SPOCK2: variants seen among roughly 807,000 people sequenced by gnomAD.
The protein encoded by SPOCK2 is testican-2.
A neutral mutation model predicts 60.1 loss-of-function variants in SPOCK2; 39 were observed. The observed-to-expected ratio is 0.65, with a 90% CI of 0.50 to 0.85. SPOCK2 has a LOEUF of 0.85. Among genes scored for constraint, SPOCK2 ranks in the 40% least tolerant of loss-of-function variants. The pLI, the probability that SPOCK2 is intolerant of heterozygous loss-of-function variation, is 0.00. For synonymous variants in SPOCK2, 217 were observed against 231.5 expected (o/e 0.94, Z 0.57); for missense variants, 523 against 567.4 (o/e 0.92, Z 0.80).
chr10:72,086,803 C>G, intron 1 of SPOCK2: 2 of 1,518,502 alleles, frequency 1.3e-6, no homozygotes, highest in Non-Finnish European at 1.8e-6. Flanking sequence ...TGGGGAGAAA[C>G]AGTCACTTGT....
chr10:72,072,205 C>T lies in SPOCK2; in HGVS notation c.298G>A (p.Val100Met). The T allele has an allele frequency of 1.3e-6, 2 of 1,561,922 alleles. No homozygotes were observed. The highest frequency in any genetic ancestry group is 8.7e-7 in the Non-Finnish European group (1 of 1,153,224). The change falls in exon 4 of 11, where the codon GTG (valine) becomes ATG (methionine). Residue 100 changes from valine (V) to methionine (M), a missense_variant. Val to Met is a conservative substitution (Grantham distance 21). Coordinates refer to ENST00000373109, the MANE Select transcript of SPOCK2 (RefSeq NM_001244950.2). ...CGCTGGTAGCCCTGGGCAATGCACA[C>T]CTTGTGGCGGCTGCACTTCACCTTC... ...CQKVKCSRHK[V>M]CIAQGYQRAM... is the part of the protein sequence containing the mutation.
At chr10:72,082,884 G>A (rs1371307463) in intron 1 of SPOCK2, among the ~76,000 whole-genome samples, 2 of 150,384 alleles carry the variant, frequency 1.3e-5, no homozygotes, top group Non-Finnish European at 1.5e-5. Context: ...AAAAGAAGAG[G>A]CTACATAGAG....
intron 1 of SPOCK2, chr10:72,086,369 G>A (rs1014814213): frequency 3.0e-6 from 3 of 1,000,438 alleles, no homozygotes; most frequent in Non-Finnish European, 3.6e-6. Flanking sequence ...GCTATTGGAA[G>A]CAGGTGGAAG....
At chr10:72,073,951 T>A (rs982873933) in intron 1 of SPOCK2, among the ~76,000 whole-genome samples, 1 of 152,212 alleles carries the variant, frequency 6.6e-6, no homozygotes, top group Non-Finnish European at 1.5e-5. Context: ...GCCTGCAGGC[T>A]GGCAGTGACA....
chr10:72,083,372 C>T (rs1176473214), intron 1 of SPOCK2, among the ~76,000 whole-genome samples: 2 of 152,230 alleles, frequency 1.3e-5, no homozygotes, highest in Non-Finnish European at 2.9e-5. Flanking sequence ...CACCTCCCCA[C>T]TAAACCACCA....
intron 1 of SPOCK2, among the ~76,000 whole-genome samples, chr10:72,081,142 G>A (rs1430538910): frequency 6.6e-6 from 1 of 152,242 alleles, no homozygotes; most frequent in Non-Finnish European, 1.5e-5. Flanking sequence ...CAGGCCACAA[G>A]AGGAGTGGGG....
At chr10:72,074,539 AAACAAGGACACT>A (rs1840690325) in intron 1 of SPOCK2, among the ~76,000 whole-genome samples, 1 of 152,240 alleles carries the variant, frequency 6.6e-6, no homozygotes, top group Admixed American at 6.5e-5. Context: ...GACAGAAGGA[AAACAAGGACACT>A]AACAAGGACA....
rs565813595 is a variant in SPOCK2 at position 72,087,996 on chromosome 10, A to C, written c.189+144T>G. The C allele has an allele frequency of 2.3e-5, 24 of 1,052,260 alleles. No homozygotes were observed. In the East Asian group the frequency reaches 5.6e-4, roughly 25 times the overall value. The allele number at this position is 1,052,260 out of a possible 1,614,324, so 65.2% of individuals were successfully genotyped here. A position where few individuals can be genotyped will look rare whatever the true frequency, so the allele number is the denominator to read the frequency against. ...GGAGGGGCGCTGGGCTGTGACCCCCAGTACTGTTTACTTTCCGTGTAATTA... is the reference window on the plus strand; with the variant it reads ...GGAGGGGCGCTGGGCTGTGACCCCCCGTACTGTTTACTTTCCGTGTAATTA... On this transcript the variant is annotated intron_variant, in intron 1 of 10. Transcript: ENST00000373109. This position sits in a 1 kb window ranked among gnomAD's most constrained non-coding sequence, Gnocchi z 4.7.
chr10:72,072,620 C>T (rs1047244835), intron 2 of SPOCK2, 72 bp from the exon 3 acceptor site: 41 of 1,601,418 alleles, frequency 2.6e-5, no homozygotes, highest in East Asian at 6.7e-5. Flanking sequence ...ACTGCGGGGT[C>T]GAGGAGAGGC....
chr10:72,083,925 C>G lies in SPOCK2; in HGVS notation c.189+4215G>C, dbSNP rs77657150. ...CCACAGACGTCGGCGCAGCGCATCC[C>G]CACACTCGCAGTGGTTTAGGTGTGT... On this transcript the variant is annotated intron_variant, in intron 1 of 10. Transcript: ENST00000373109. 2.3e-4 allele frequency among the ~76,000 whole-genome samples: 35 copies of G among 152,314 alleles called. No individual in the cohort carries two copies. The East Asian group carries it at 6.8e-3, about 29-fold the overall frequency.
Position 72,074,021 on chromosome 10 carries a change from G to A in SPOCK2, c.190-1111C>T, listed in dbSNP as rs1443814166. Among the ~76,000 whole-genome samples, 7 of 152,304 alleles carry A rather than the reference G, an allele frequency of 4.6e-5. No homozygotes were observed. The South Asian group carries it at 1.2e-3, about 27-fold the overall frequency. The stretch of plus-strand genomic sequence containing the variant: ...CAGGAGGGGCTCTGGGAGCTGGGGG[G>A]AGAGGGGCATGAGAAGCTACGCGCA... On this transcript the variant is annotated intron_variant, in intron 1 of 10. Transcript: ENST00000373109.
chr10:72,062,929 G>A lies in SPOCK2; in HGVS notation c.1130-24C>T, dbSNP rs753406492. On this transcript the variant is annotated intron_variant, in intron 10 of 10. Transcript: ENST00000373109. This position sits in a 1 kb window ranked among gnomAD's most constrained non-coding sequence, Gnocchi z 4.3. Reference sequence around the variant, plus strand: ...ATCTGTGAGGGGATCAAGCCAACAGGGGGTGAGGGAGCTTCTGGCACGCAC... The same window carrying A: ...ATCTGTGAGGGGATCAAGCCAACAGAGGGTGAGGGAGCTTCTGGCACGCAC... 1.9e-6 allele frequency: 3 copies of A among 1,595,286 alleles called. No individual in the cohort carries two copies. The highest frequency in any genetic ancestry group is 1.7e-4 in the Middle Eastern group (1 of 6,050).
chr10:72,067,843 G>A (rs975584631), intron 6 of SPOCK2, 111 bp from the exon 7 acceptor site: 124 of 1,482,332 alleles, frequency 8.4e-5, no homozygotes, highest in Admixed American at 3.6e-4. Flanking sequence ...GGTCCGGGAG[G>A]CAGCAGCAGA....
At chr10:72,078,682 G>T (rs544926740) in intron 1 of SPOCK2, among the ~76,000 whole-genome samples, 6 of 152,144 alleles carry the variant, frequency 3.9e-5, no homozygotes, top group African/African-American at 9.6e-5. Flanking sequence ...TTCCTGCAAG[G>T]TTCCAGCATG....
At chr10:72,074,456 G>A (rs1193627168) in intron 1 of SPOCK2, among the ~76,000 whole-genome samples, 2 of 152,368 alleles carry the variant, frequency 1.3e-5, no homozygotes, top group East Asian at 1.9e-4. Context: ...TGTAGCATGT[G>A]TGTGCAGGCA....
intron 1 of SPOCK2, among the ~76,000 whole-genome samples, chr10:72,080,972 G>T (rs1389651522): frequency 1.3e-5 from 2 of 152,118 alleles, no homozygotes; most frequent in African/African-American, 4.8e-5. Context: ...AGAGAACAGC[G>T]GGAGGTGTGA....
intron 1 of SPOCK2, among the ~76,000 whole-genome samples, chr10:72,079,728 C>T (rs566447983): frequency 5.3e-5 from 8 of 152,264 alleles, no homozygotes; most frequent in Middle Eastern, 3.4e-3. Flanking sequence ...AGCGAATCAG[C>T]AAAGAAGAGC....
intron 9 of SPOCK2, 82 bp from the exon 10 acceptor site, chr10:72,063,244 C>A: frequency 2.8e-5 from 43 of 1,528,590 alleles, no homozygotes; most frequent in Non-Finnish European, 3.1e-5. Context: ...GGTCCTCATG[C>A]ATGAGCAGAA....
intron 1 of SPOCK2, among the ~76,000 whole-genome samples, chr10:72,075,186 C>T (rs1840700618): frequency 6.6e-6 from 1 of 152,280 alleles, no homozygotes; most frequent in Admixed American, 6.5e-5. Context: ...AAGAGAGGTG[C>T]AGCTGCTGAG....
Sources: gnomAD v4.1 joint callset for allele counts (sites outside exome capture counted in the v4.1 genomes callset) on GRCh38, gnomAD v4.1.1 for gene constraint, Gnocchi (gnomAD v3.1) non-coding constraint, MANE v1.5 for transcripts, NCBI Gene and HGNC (gene_info 2026-07-23, HGNC 2026-07-21) for gene names.